HIBCH: variants seen among roughly 807,000 people sequenced by gnomAD.
HIBCH encodes the protein 3-hydroxyisobutyryl-CoA hydrolase.
Under a neutral mutation model 58.2 loss-of-function variants are expected in HIBCH, and 50 were observed. The ratio of observed to expected loss-of-function variants is 0.86; its 90% CI spans 0.68 to 1.09. HIBCH has a LOEUF of 1.09. Among genes scored for constraint, HIBCH ranks in the 50% least tolerant of loss-of-function variants. HIBCH has a pLI of 0.00. For synonymous variants in HIBCH, 151 were observed against 146.9 expected (o/e 1.03, Z -0.20); for missense variants, 450 against 449.7 (o/e 1.00, Z -0.01).
chr2:190,200,817 GT>G (rs1481197769), downstream of HIBCH: 1 of 167,178 alleles, frequency 6.0e-6, no homozygotes, highest in Non-Finnish European at 1.5e-5. Context: ...TGACATTAGT[GT>G]TTATTGCATT....
At chr2:190,265,313 T>G (rs200046126) in intron 6 of HIBCH, among the ~76,000 whole-genome samples, 2 of 80,094 alleles carry the variant, frequency 2.5e-5, no homozygotes, top group Non-Finnish European at 5.2e-5. Flanking sequence ...TATGTTAGTA[T>G]TTCACTGAAG....
intron 9 of HIBCH, 63 bp downstream of exon 9, chr2:190,249,577 G>A: frequency 1.1e-6 from 1 of 924,136 alleles, no homozygotes; most frequent in South Asian, 1.4e-5. Flanking sequence ...CCAACTGCCA[G>A]TTTTTTAATC....
At chr2:190,313,122 G>T (rs1187444301) in intron 1 of HIBCH, among the ~76,000 whole-genome samples, 4 of 152,162 alleles carry the variant, frequency 2.6e-5, no homozygotes, top group African/African-American at 9.7e-5. Context: ...TTCTTTTAAA[G>T]ACTAACTTTC....
chr2:190,290,987 G>T (rs1168135894), intron 4 of HIBCH, among the ~76,000 whole-genome samples: 1 of 152,070 alleles, frequency 6.6e-6, no homozygotes, highest in African/African-American at 2.4e-5. Flanking sequence ...CTCTAGCCTG[G>T]AGAGAAGAGT....
At chr2:190,294,965 T>A (rs753821966) in intron 3 of HIBCH, among the ~76,000 whole-genome samples, 5 of 152,204 alleles carry the variant, frequency 3.3e-5, no homozygotes, top group Admixed American at 1.3e-4. Flanking sequence ...ATATGTTACA[T>A]AAACGTATAA....
intron 1 of HIBCH, among the ~76,000 whole-genome samples, chr2:190,312,820 TG>T (rs1199566169): frequency 6.6e-6 from 1 of 152,212 alleles, no homozygotes; most frequent in Middle Eastern, 3.2e-3. Flanking sequence ...GAGACTCGGC[TG>T]GGCATGGTGA....
At position 190,306,068 on chromosome 2, in the gene HIBCH, C is replaced by T. The variant is rs1333874529; in HGVS notation, c.78+4686G>A. ...ACTTGCCATGGTCATCTTCCCATGTCACTACTACAGATAAAGCTGTCTTAT... is the reference window on the plus strand; with the variant it reads ...ACTTGCCATGGTCATCTTCCCATGTTACTACTACAGATAAAGCTGTCTTAT... On this transcript the variant is annotated intron_variant, in intron 2 of 13. Transcript: ENST00000359678. This position sits in a 1 kb window ranked among gnomAD's most constrained non-coding sequence, Gnocchi z 4.6. Among the ~76,000 whole-genome samples, 2 of 152,158 alleles carry T rather than the reference C, an allele frequency of 1.3e-5. No individual in the cohort carries two copies. The highest frequency in any genetic ancestry group is 4.8e-5 in the African/African-American group (2 of 41,444).
At chr2:190,287,900 T>C (rs905742948) in intron 5 of HIBCH, among the ~76,000 whole-genome samples, 1 of 152,158 alleles carries the variant, frequency 6.6e-6, no homozygotes, top group African/African-American at 2.4e-5. Context: ...CTGACACCTG[T>C]AATCTAACCT....
intron 1 of HIBCH, among the ~76,000 whole-genome samples, chr2:190,317,534 T>C (rs1411320378): frequency 6.6e-6 from 1 of 152,170 alleles, no homozygotes; most frequent in Non-Finnish European, 1.5e-5. Context: ...CTGTATTTAA[T>C]TGCATAAGCA....
At chr2:190,224,142 G>A (rs1352820745) in intron 11 of HIBCH, among the ~76,000 whole-genome samples, 1 of 152,216 alleles carries the variant, frequency 6.6e-6, no homozygotes. Context: ...CATGCCCACG[G>A]AGCCTCACTC....
Position 190,208,085 on chromosome 2 carries a change from C to G in HIBCH, c.1045+795G>C, listed in dbSNP as rs140017319. Among the ~76,000 whole-genome samples the G allele has an allele frequency of 8.1e-3, 1,230 of 152,274 alleles. 68 individuals carry two copies. The highest frequency in any genetic ancestry group is 0.072 in the Admixed American group (1,105 of 15,296). On this transcript the variant is annotated intron_variant, in intron 13 of 13. Coordinates refer to ENST00000359678, the MANE Select transcript of HIBCH (RefSeq NM_014362.4). Reference sequence around the variant, plus strand: ...TTGCAAGTATGCTAGAAAAAACAGTCAAGCACGTCAAGCACTTCACTTGCT... The same window carrying G: ...TTGCAAGTATGCTAGAAAAAACAGTGAAGCACGTCAAGCACTTCACTTGCT...
intron 5 of HIBCH, 59 bp from the exon 6 acceptor site, chr2:190,287,697 T>TAA: frequency 4.7e-6 from 6 of 1,289,246 alleles, no homozygotes; most frequent in African/African-American, 3.0e-5. Flanking sequence ...CCCTTTTTCT[T>TAA]AAAAAAAAAC....
intron 11 of HIBCH, among the ~76,000 whole-genome samples, chr2:190,237,405 A>T (rs1686306183): frequency 6.6e-6 from 1 of 152,180 alleles, no homozygotes; most frequent in Admixed American, 6.5e-5. Flanking sequence ...CTTCTTAGAG[A>T]AGTAGTATTC....
chr2:190,293,314 A>T (rs1037543953), intron 4 of HIBCH, among the ~76,000 whole-genome samples: 5 of 152,048 alleles, frequency 3.3e-5, no homozygotes, highest in African/African-American at 1.2e-4. Flanking sequence ...TTAGCAGGGC[A>T]TGTTGGCAGG....
intron 11 of HIBCH, among the ~76,000 whole-genome samples, chr2:190,232,241 T>C (rs1004131836): frequency 6.6e-5 from 10 of 152,060 alleles, no homozygotes; most frequent in Non-Finnish European, 1.3e-4. Flanking sequence ...TATCAAAAAA[T>C]AGAAAATTAA....
At chr2:190,245,329 A>G (rs1004774467) in intron 10 of HIBCH, 11 of 227,248 alleles carry the variant, frequency 4.8e-5, no homozygotes, top group Non-Finnish European at 9.7e-5. Context: ...AATCTCTCAA[A>G]TCATCACACA....
At chr2:190,267,465 G>C (rs1317320616) in intron 6 of HIBCH, among the ~76,000 whole-genome samples, 1 of 152,008 alleles carries the variant, frequency 6.6e-6, no homozygotes, top group Non-Finnish European at 1.5e-5. Flanking sequence ...CCAAAGTGCT[G>C]AGATTACAGG....
chr2:190,232,602 A>G (rs1186135188), intron 11 of HIBCH, among the ~76,000 whole-genome samples: 2 of 152,208 alleles, frequency 1.3e-5, no homozygotes, highest in Non-Finnish European at 2.9e-5. Flanking sequence ...TTGCTACAAG[A>G]GTACAACTAT....
At chr2:190,267,173 C>A (rs958498679) in intron 6 of HIBCH, among the ~76,000 whole-genome samples, 1 of 152,062 alleles carries the variant, frequency 6.6e-6, no homozygotes, top group African/African-American at 2.4e-5. Context: ...GAGGTGAAGA[C>A]AACATCTACA....
Sources: allele counts gnomAD v4.1 joint callset (sites outside exome capture counted in the v4.1 genomes callset), GRCh38; gene constraint gnomAD v4.1.1; non-coding constraint Gnocchi (gnomAD v3.1); transcripts MANE v1.5; gene names NCBI Gene and HGNC (gene_info 2026-07-23, HGNC 2026-07-21).